The following ABCC4 variants were observed in gnomAD, a reference collection of about 807,000 sequenced individuals.
The protein encoded by ABCC4 is ATP binding cassette subfamily C member 4 (PEL blood group).
In ABCC4, 102 loss-of-function variants were observed where a neutral mutation model predicts 168.5. The ratio of observed to expected loss-of-function variants is 0.61; its 90% CI spans 0.52 to 0.71. ABCC4 has a LOEUF of 0.71. Ranked by LOEUF, ABCC4 falls within the 30% of genes least tolerant of loss-of-function variation. The pLI is 0.00. For synonymous variants in ABCC4, 617 were observed against 590.7 expected, an observed-to-expected ratio of 1.04 and a Z score of -0.65; for missense variants, 1,402 against 1,605.8, an observed-to-expected ratio of 0.87 and a Z score of 2.17.
chr13:95,110,432 G>A (rs1419165986), intron 20 of ABCC4, among the ~76,000 whole-genome samples: 4 of 151,886 alleles, frequency 2.6e-5, no homozygotes, highest in African/African-American at 4.8e-5. Context: ...GATACATCCA[G>A]TTGTAAATAT....
chr13:95,197,744 AC>A (rs140497427), intron 8 of ABCC4, among the ~76,000 whole-genome samples: 25 of 152,316 alleles, frequency 1.6e-4, no homozygotes, highest in African/African-American at 6.0e-4. Flanking sequence ...CCTCAGAGAC[AC>A]ATTTTACTGG....
chr13:95,288,569 G>A (rs2041317556), intron 1 of ABCC4, among the ~76,000 whole-genome samples: 1 of 152,200 alleles, frequency 6.6e-6, no homozygotes, highest in South Asian at 2.1e-4. Context: ...ACTTTGGGAG[G>A]CTGAGGTGGG....
At chr13:95,287,519 A>G (rs4773870) in intron 1 of ABCC4, among the ~76,000 whole-genome samples, 64,923 of 150,792 alleles carry the variant, frequency 0.43, 16,101 homozygotes, top group Non-Finnish European at 0.55. Flanking sequence ...TCTGGGAGGT[A>G]GAAGTTGCAG....
At chr13:95,064,666 G>C (rs958788255) in intron 25 of ABCC4, among the ~76,000 whole-genome samples, 4 of 152,024 alleles carry the variant, frequency 2.6e-5, no homozygotes, top group African/African-American at 9.7e-5. Context: ...CTGGACATTT[G>C]TAGGCCATTA....
intron 10 of ABCC4, 67 bp from the exon 11 acceptor site, chr13:95,186,959 C>G: frequency 7.5e-7 from 1 of 1,325,152 alleles, no homozygotes. Context: ...CACTGCAATG[C>G]AGCCTTGCCC....
chr13:95,063,006 C>T (rs2033361999), intron 25 of ABCC4, 147 bp from the exon 26 acceptor site: 1 of 947,806 alleles, frequency 1.1e-6, no homozygotes, highest in African/African-American at 1.7e-5. Context: ...AACCTCAGCA[C>T]TGATGACCTT....
chr13:95,259,939 C>T (rs1348810161), intron 1 of ABCC4, among the ~76,000 whole-genome samples: 1 of 152,070 alleles, frequency 6.6e-6, no homozygotes, highest in African/African-American at 2.4e-5. Context: ...GGATCAACAT[C>T]CCAGCTCACG....
chr13:95,191,523 T>C (rs1043592319), intron 9 of ABCC4, among the ~76,000 whole-genome samples: 1 of 152,170 alleles, frequency 6.6e-6, no homozygotes, highest in African/African-American at 2.4e-5. Context: ...AAAAATAACG[T>C]TAAACAAAAT....
chr13:95,212,443 A>C (rs58546748), intron 4 of ABCC4, among the ~76,000 whole-genome samples: 42,110 of 152,178 alleles, frequency 0.28, 6,342 homozygotes, highest in East Asian at 0.44. Context: ...CTAATTTTAA[A>C]AAAATAAAAG....
At chr13:95,203,626 G>A (rs973247098) in intron 8 of ABCC4, among the ~76,000 whole-genome samples, 1 of 152,022 alleles carries the variant, frequency 6.6e-6, no homozygotes, top group Non-Finnish European at 1.5e-5. Context: ...CCAAAGTGCT[G>A]CGATTATAGC....
Position 95,301,287 on chromosome 13 carries a change from GCTTCACCTC to G in ABCC4, c.19_27del (p.Glu7_Lys9del), listed in dbSNP as rs1327101223. 1 of 1,595,966 alleles carries G rather than the reference GCTTCACCTC, an allele frequency of 6.3e-7. No homozygotes were observed. The highest frequency in any genetic ancestry group is 2.3e-5 in the East Asian group (1 of 43,392). ...AGGTTCGCGTCCTGCAGCGGGTTGGGCTTCACCTCCTGGTACACGGGCAGCATCTTGCCG... is the reference window on the plus strand; with the variant it reads ...AGGTTCGCGTCCTGCAGCGGGTTGGGCTGGTACACGGGCAGCATCTTGCCG... On this transcript the variant is annotated inframe_deletion, in exon 1 of 31. Coordinates refer to ENST00000645237, the MANE Select transcript of ABCC4 (RefSeq NM_005845.5).
chr13:95,047,543 G>A (rs1202994568), intron 27 of ABCC4, among the ~76,000 whole-genome samples: 5 of 140,290 alleles, frequency 3.6e-5, no homozygotes, highest in Admixed American at 7.6e-5. Context: ...GCAGTGGTGC[G>A]ATCTCAGCTC....
intron 1 of ABCC4, among the ~76,000 whole-genome samples, chr13:95,290,146 A>G (rs914282139): frequency 3.3e-5 from 5 of 149,832 alleles, no homozygotes; most frequent in African/African-American, 4.9e-5. Context: ...ATAGATAGAT[A>G]GATGATAGAT....
At chr13:95,164,054 A>AAAAAG (rs59935866) in intron 16 of ABCC4, among the ~76,000 whole-genome samples, 29 of 139,030 alleles carry the variant, frequency 2.1e-4, no homozygotes, top group African/African-American at 6.1e-4. Context: ...AAAAAAAAAA[A>AAAAAG]AAAGAAAGAA....
intron 13 of ABCC4, among the ~76,000 whole-genome samples, chr13:95,172,746 C>T (rs1452772520): frequency 4.0e-5 from 6 of 151,642 alleles, no homozygotes; most frequent in Non-Finnish European, 8.8e-5. Context: ...GTCTGGGCAA[C>T]ATGGAGAGAT....
At chr13:95,245,714 A>G (rs910863515) in intron 3 of ABCC4, among the ~76,000 whole-genome samples, 2 of 152,008 alleles carry the variant, frequency 1.3e-5, no homozygotes, top group East Asian at 1.9e-4. Context: ...TTTGTCACCA[A>G]TGAGACCATT....
At chr13:95,096,468 C>G (rs564019551) in intron 20 of ABCC4, among the ~76,000 whole-genome samples, 2 of 151,904 alleles carry the variant, frequency 1.3e-5, no homozygotes, top group Admixed American at 6.6e-5. Flanking sequence ...AAATACCAAC[C>G]CATATATTGA....
chr13:95,165,269 C>T (rs1468315488), intron 15 of ABCC4, among the ~76,000 whole-genome samples: 1 of 152,164 alleles, frequency 6.6e-6, no homozygotes, highest in African/African-American at 2.4e-5. Flanking sequence ...TGGGGTCAAG[C>T]AGTGAGTCTC....
chr13:95,187,811 T>C (rs193129996), intron 10 of ABCC4, among the ~76,000 whole-genome samples: 2 of 152,318 alleles, frequency 1.3e-5, no homozygotes, highest in East Asian at 1.9e-4. Flanking sequence ...ACTAAGTCTG[T>C]ACGCACGTTT....
Sources: gnomAD v4.1 joint callset for allele counts (sites outside exome capture counted in the v4.1 genomes callset) on GRCh38, gnomAD v4.1.1 for gene constraint, MANE v1.5 for transcripts, NCBI Gene and HGNC (gene_info 2026-07-23, HGNC 2026-07-21) for gene names.